The following MUC3A variants were observed in gnomAD, a reference collection of about 807,000 sequenced individuals.
The protein encoded by MUC3A is mucin 3A, cell surface associated.
A neutral mutation model predicts 109.0 loss-of-function variants in MUC3A; 109 were observed. The ratio of observed to expected loss-of-function variants is 1.00; its 90% confidence interval spans 0.86 to 1.17. The LOEUF (loss-of-function observed/expected upper bound fraction) is 1.17. Among genes scored for constraint, MUC3A ranks in the 50% most tolerant of loss-of-function variants. The pLI is 0.00. For missense variants in MUC3A, 3,537 were observed against 2,469.4 expected, an observed-to-expected ratio of 1.43 and a Z score of -9.16; for synonymous variants, 1,398 against 981.4, an observed-to-expected ratio of 1.42 and a Z score of -7.93.
intron 3 of MUC3A, among the ~76,000 whole-genome samples, chr7:100,962,799 C>T (rs964148506): frequency 1.9e-5 from 1 of 52,236 alleles, no homozygotes; most frequent in South Asian, 5.9e-4. Flanking sequence ...TTCTTTCTTT[C>T]TCTCTCTCTC....
At position 100,966,879 on chromosome 7, in the gene MUC3A, C is replaced by T. The variant is rs768617264; in HGVS notation, c.9878-20C>T. 1.6e-5 allele frequency: 26 copies of T among 1,598,506 alleles called. No individual in the cohort carries two copies. Among genetic ancestry groups the T allele is most frequent in the South Asian group, 8.8e-5 (8 of 91,082 alleles). ...CCCCTCCCTCTCCCCTTCTCTTTCT[C>T]CGCTCCTCTCTCTCTCTAGACAAGG... On this transcript the variant is annotated intron_variant, in intron 10 of 11. Transcript: ENST00000379458.
chr7:100,966,049 T>TCGCCCTAAAGAGTAGCCCCGCCTCC, intron 8 of MUC3A, 183 bp downstream of exon 8: 3 of 855,048 alleles, frequency 3.5e-6, no homozygotes, highest in Non-Finnish European at 5.1e-6. Context: ...GCTCTGCTCC[T>TCGCCCTAAAGAGTAGCCCCGCCTCC]TTGATGGGGT....
chr7:100,961,238 C>T (rs1311902705), intron 3 of MUC3A, among the ~76,000 whole-genome samples: 7 of 152,312 alleles, frequency 4.6e-5, no homozygotes, highest in African/African-American at 1.7e-4. Context: ...TGGAACAACA[C>T]GACATTATCA....
intron 3 of MUC3A, among the ~76,000 whole-genome samples, chr7:100,962,156 C>T (rs1200184098): frequency 6.7e-5 from 4 of 59,592 alleles, no homozygotes; most frequent in East Asian, 5.7e-4. Context: ...GGCGTGAACC[C>T]GGGAGGCGGA....
At chr7:100,961,448 G>A in intron 3 of MUC3A, among the ~76,000 whole-genome samples, 1 of 152,418 alleles carries the variant, frequency 6.6e-6, no homozygotes, top group African/African-American at 2.4e-5. Context: ...AATGAACTCT[G>A]GCCTCCTCAA....
At chr7:100,964,472 A>G (rs1012302928) in intron 5 of MUC3A, 2 of 678,900 alleles carry the variant, frequency 2.9e-6, no homozygotes, top group Non-Finnish European at 4.6e-6. Flanking sequence ...AAACACACAG[A>G]GAGAGGAAGT....
rs1196321076 is a variant in MUC3A, at chr7:100,959,513, A to T, written c.7734A>T (p.Thr2578=). 3.8e-6 allele frequency: 6 copies of T among 1,589,164 alleles called. No individual in the cohort carries two copies. Among genetic ancestry groups the T allele is most frequent in the Middle Eastern group, 1.7e-4 (1 of 6,006 alleles). The change falls in exon 2 of 12, where the codon ACA becomes ACT. Residue 2578 remains threonine, a synonymous_variant. Coordinates refer to ENST00000379458, the MANE Select transcript of MUC3A (RefSeq NM_005960.2). ...TTGTTGTTATACCTGAAACCCCAAC[A>T]CAGACCCCTCCTGTACTGACGTCAG... ...TSIVVIPETP[T]QTPPVLTSAT...
Position 100,958,478 on chromosome 7 carries a change from C to G in MUC3A, c.6699C>G (p.Ser2233=), listed in dbSNP as rs1290195391. 23 of 799,426 alleles carry G rather than the reference C, an allele frequency of 2.9e-5. No homozygotes were observed. The highest frequency in any genetic ancestry group is 3.5e-5 in the Non-Finnish European group (21 of 606,404). 49.5% of individuals were successfully genotyped at this position (799,426 alleles called of 1,614,324 possible). ...CGATCACCACCACTGAGACCACATC[C>G]CACAGTACTCCCGGCTTCACTTCTT... ...SSSITTTETT[S]HSTPGFTSSI... The change falls in exon 2 of 12, where the codon TCC becomes TCG. Residue 2233 remains serine, a synonymous_variant. Coordinates refer to ENST00000379458, the MANE Select transcript of MUC3A (RefSeq NM_005960.2).
At position 100,963,759 on chromosome 7, in the gene MUC3A, G is replaced by C. The variant is rs1792422438; in HGVS notation, c.9233+7G>C. The C allele has an allele frequency of 6.3e-7, 1 of 1,598,572 alleles. No homozygotes were observed. The highest frequency in any genetic ancestry group is 1.3e-5 in the African/African-American group (1 of 75,084). On this transcript the variant is annotated splice_region_variant and intron_variant, in intron 5 of 11. Coordinates refer to ENST00000379458, the MANE Select transcript of MUC3A (RefSeq NM_005960.2). Reference sequence around the variant, plus strand: ...TGGAGATCCTGTCCCTGAGGTAGGAGACCCATCTGGGGATGCGGAGGCGGT... The same window carrying C: ...TGGAGATCCTGTCCCTGAGGTAGGACACCCATCTGGGGATGCGGAGGCGGT...
Position 100,949,591 on chromosome 7 carries a change from C to G in MUC3A, c.-34C>G, listed in dbSNP as rs753139866. On this transcript the variant is annotated 5_prime_UTR_variant, in exon 1 of 12. Transcript: ENST00000379458. Reference sequence around the variant, plus strand: ...CCCTGCCGCTGTCTTGGTCCTGAAGCCTGTTCTGCCCCAGCCCCCTGCCCG... The same window carrying G: ...CCCTGCCGCTGTCTTGGTCCTGAAGGCTGTTCTGCCCCAGCCCCCTGCCCG... 8 of 1,531,236 alleles carry G rather than the reference C, an allele frequency of 5.2e-6. No individual in the cohort carries two copies. In the South Asian group the frequency reaches 7.1e-5, roughly 14 times the overall value. The allele number at this position is 1,531,236 out of a possible 1,614,324, so 94.9% of individuals were successfully genotyped here. A position where few individuals can be genotyped will look rare whatever the true frequency, so the allele number is the denominator to read the frequency against.
At position 100,963,286 on chromosome 7, in the gene MUC3A, G is replaced by GTTTTTTTTT. The variant is rs1792401420; in HGVS notation, c.9168+20_9168+21insTTTTTTTTT. 14 of 1,494,178 alleles carry GTTTTTTTTT rather than the reference G, an allele frequency of 9.4e-6. No individual in the cohort carries two copies. The highest frequency in any genetic ancestry group is 1.7e-4 in the Middle Eastern group (1 of 5,856). The allele number at this position is 1,494,178 out of a possible 1,614,324, so 92.6% of individuals were successfully genotyped here. On this transcript the variant is annotated intron_variant, in intron 4 of 11. Coordinates refer to ENST00000379458, the MANE Select transcript of MUC3A (RefSeq NM_005960.2). ...AATCAGGTAAAGGGCAAAGAGAGGG[G>GTTTTTTTTT]ATTTTTTTTTTTTTTTTGAGGTGTA...
chr7:100,963,804 C>T (rs1018284684), intron 5 of MUC3A, 52 bp downstream of exon 5: 52,156 of 1,574,956 alleles, frequency 0.033, no homozygotes, highest in South Asian at 0.041. Context: ...GGGAAATGTG[C>T]GCACACAAAA....
At chr7:100,961,113 C>T in intron 3 of MUC3A, 176 bp downstream of exon 3, 1 of 976,034 alleles carries the variant, frequency 1.0e-6, no homozygotes, top group Non-Finnish European at 1.2e-6. Context: ...TCCGTCCTCA[C>T]CCTTAGGAGG....
intron 8 of MUC3A, 115 bp from the exon 9 acceptor site, chr7:100,966,271 C>CA: frequency 1.1e-6 from 1 of 902,378 alleles, no homozygotes; most frequent in Non-Finnish European, 1.3e-6. Context: ...AGGGTGGAAC[C>CA]CCCCGCTGCC....
intron 1 of MUC3A, among the ~76,000 whole-genome samples, 190 bp downstream of exon 1, chr7:100,949,875 G>A (rs1230031581): frequency 1.3e-5 from 2 of 152,142 alleles, no homozygotes; most frequent in East Asian, 1.9e-4. Context: ...TTCTTCCAGA[G>A]CTCCAGGTGC....
At chr7:100,951,037 T>A (rs536172114) in intron 1 of MUC3A, among the ~76,000 whole-genome samples, 72 of 135,400 alleles carry the variant, frequency 5.3e-4, no homozygotes, top group African/African-American at 1.7e-3. Flanking sequence ...TTTGATGGAG[T>A]CTTGCTCTGT....
Position 100,958,525 on chromosome 7 carries a change from CAT to C in MUC3A, c.6747_6748del (p.Ser2250ProfsTer14). On this transcript the variant is annotated frameshift_variant, in exon 2 of 12. Transcript: ENST00000379458. LOFTEE classifies it high-confidence loss of function. ...TCTTCAATCACCACCACTGAGACTACATCCCACAGTACTCCCAGCTTCACTTC... is the reference window on the plus strand; with the variant it reads ...TCTTCAATCACCACCACTGAGACTACCCCACAGTACTCCCAGCTTCACTTC... The C allele has an allele frequency of 7.6e-7, 1 of 1,311,296 alleles. No individual in the cohort carries two copies. Among genetic ancestry groups the C allele is most frequent in the Non-Finnish European group, 1.1e-6 (1 of 924,126 alleles). The allele number at this position is 1,311,296 out of a possible 1,614,324, so 81.2% of individuals were successfully genotyped here.
At chr7:100,950,669 C>A (rs77001651) in intron 1 of MUC3A, among the ~76,000 whole-genome samples, 2 of 152,218 alleles carry the variant, frequency 1.3e-5, no homozygotes, top group East Asian at 3.9e-4. Flanking sequence ...TTCCTTGTCC[C>A]TGACACCCCC....
chr7:100,960,101 A>G lies in MUC3A; in HGVS notation c.8322A>G (p.Thr2774=). 6.5e-7 allele frequency: 1 copy of G among 1,527,156 alleles called. No individual in the cohort carries two copies. The allele number at this position is 1,527,156 out of a possible 1,614,324, so 94.6% of individuals were successfully genotyped here. A position where few individuals can be genotyped will look rare whatever the true frequency, so the allele number is the denominator to read the frequency against. The change falls in exon 2 of 12, where the codon ACA becomes ACG. Residue 2774 remains threonine (T), a synonymous_variant. Coordinates refer to ENST00000379458, the MANE Select transcript of MUC3A (RefSeq NM_005960.2). ...PSTTPCPGTI[T]ITIVPASPTD... ...CCACACCCTGTCCAGGAACTATAAC[A>G]ATTACCATAGTCCCTGCCTCCCCCA... is the stretch of plus-strand genomic sequence containing the variant.
Sources: gnomAD v4.1 joint callset for allele counts (sites outside exome capture counted in the v4.1 genomes callset) on GRCh38, gnomAD v4.1.1 for gene constraint, MANE v1.5 for transcripts, NCBI Gene and HGNC (gene_info 2026-07-23, HGNC 2026-07-21) for gene names.